Variants in LRP11 observed in about 807,000 individuals in gnomAD.
LRP11 encodes the protein low-density lipoprotein receptor-related protein 11.
A neutral mutation model predicts 43.1 loss-of-function variants in LRP11; 25 were observed. The ratio of observed to expected loss-of-function variants is 0.58; its 90% CI spans 0.42 to 0.81. The LOEUF is 0.81. Among genes scored for constraint, LRP11 ranks in the 30% least tolerant of loss-of-function variants. LRP11 has a pLI of 0.00. For synonymous variants in LRP11, 316 were observed against 299.4 expected (o/e 1.06, Z -0.57); for missense variants, 623 against 665.1 (o/e 0.94, Z 0.70).
At chr6:149,842,709 G>C (rs1217733254) in intron 3 of LRP11, 2 of 1,547,776 alleles carry the variant, frequency 1.3e-6, no homozygotes, top group East Asian at 2.4e-5. Context: ...GAATAGCCAA[G>C]CAATTGTCTT....
rs757716414 is a variant in LRP11, at chr6:149,853,007, A to G, written c.767T>C (p.Met256Thr). 7.5e-6 allele frequency: 12 copies of G among 1,589,734 alleles called. No homozygotes were observed. Among genetic ancestry groups the G allele is most frequent in the Non-Finnish European group, 9.4e-6 (11 of 1,171,096 alleles). ...ALLQGDPSVDMKVPQSGTLKL... is the reference protein window; with the variant it reads ...ALLQGDPSVDTKVPQSGTLKL... ...AGCAGTGACAACATGCGTTACCTTCATGTCCACTGACGGGTCCCCCTGCAG... is the reference window on the plus strand; with the variant it reads ...AGCAGTGACAACATGCGTTACCTTCGTGTCCACTGACGGGTCCCCCTGCAG... The change falls in exon 2 of 7, where the codon ATG becomes ACG. Residue 256 changes from methionine to threonine, a missense_variant. Transcript: ENST00000239367.
intron 3 of LRP11, 77 bp from the exon 4 acceptor site, chr6:149,837,540 G>C: frequency 6.9e-7 from 1 of 1,455,354 alleles, no homozygotes; most frequent in Non-Finnish European, 9.4e-7. Flanking sequence ...AGGGGAGTCC[G>C]TGGGGATGAT....
Position 149,836,071 on chromosome 6 carries a change from C to A in LRP11, c.1252+14G>T. ...AACAAGGTTCTTCATTGAGAACCCACCGTGAATCCTTACCTGGCATCACAG... is the reference window on the plus strand; with the variant it reads ...AACAAGGTTCTTCATTGAGAACCCAACGTGAATCCTTACCTGGCATCACAG... On this transcript the variant is annotated intron_variant, in intron 5 of 6. Transcript: ENST00000239367. 1.9e-6 allele frequency: 3 copies of A among 1,610,918 alleles called. No individual in the cohort carries two copies. The South Asian group carries it at 3.3e-5, about 18-fold the overall frequency.
At position 149,820,405 on chromosome 6, in the gene LRP11, CAATAAAT is replaced by C; in HGVS notation, c.*137_*143del. The C allele has an allele frequency of 2.2e-6, 1 of 461,542 alleles. No individual in the cohort carries two copies. The highest frequency in any genetic ancestry group is 3.8e-6 in the Non-Finnish European group (1 of 261,216). 28.6% of individuals were successfully genotyped at this position (461,542 alleles called of 1,614,324 possible). ...ATGACTTCTAAGGAAACTTTTTTTA[CAATAAAT>C]AATAAAGAAAGATTTGGGATTTGCA... On this transcript the variant is annotated 3_prime_UTR_variant, in exon 7 of 7. Transcript: ENST00000239367.
At chr6:149,855,385 G>A (rs1776783043) in intron 1 of LRP11, among the ~76,000 whole-genome samples, 1 of 152,130 alleles carries the variant, frequency 6.6e-6, no homozygotes, top group South Asian at 2.1e-4. Flanking sequence ...AGATTAGACT[G>A]AATGAAACAC....
At position 149,819,588 on chromosome 6, in the gene LRP11, C is replaced by A. The variant is rs1015183006; in HGVS notation, c.*961G>T. On this transcript the variant is annotated 3_prime_UTR_variant, in exon 7 of 7. Coordinates refer to ENST00000239367, the MANE Select transcript of LRP11 (RefSeq NM_032832.6). ...AACATTTTATAGCATTAAAAAACAT[C>A]GACTCATTCCATTGGATGAAAGCCA... 1 of 152,552 alleles carries A rather than the reference C, an allele frequency of 6.6e-6. No individual in the cohort carries two copies. Among genetic ancestry groups the A allele is most frequent in the Admixed American group, 6.6e-5 (1 of 15,254 alleles). 9.4% of individuals were successfully genotyped at this position (152,552 alleles called of 1,614,324 possible). A position where few individuals can be genotyped will look rare whatever the true frequency, so the allele number is the denominator to read the frequency against.
At position 149,863,925 on chromosome 6, in the gene LRP11, C is replaced by A. The variant is rs1583104625; in HGVS notation, c.96G>T (p.Leu32=). The A allele has an allele frequency of 1.4e-5, 20 of 1,477,062 alleles. No individual in the cohort carries two copies. The highest frequency in any genetic ancestry group is 1.7e-5 in the Non-Finnish European group (19 of 1,121,256). 91.5% of individuals were successfully genotyped at this position (1,477,062 alleles called of 1,614,324 possible). The change falls in exon 1 of 7, where the codon CTG becomes CTT. Residue 32 remains leucine (L), a synonymous_variant. Transcript: ENST00000239367. Reference sequence around the variant, plus strand: ...GCGGCAAGGCCGCACGGCCGCTTGGCAGCCACAGGCAGAGCAGTAGCAGCC... The same window carrying A: ...GCGGCAAGGCCGCACGGCCGCTTGGAAGCCACAGGCAGAGCAGTAGCAGCC... ...LRGLLLLCLW[L]PSGRAALPPA... is the part of the protein sequence containing the mutation.
chr6:149,857,193 T>C (rs1459353144), intron 1 of LRP11, among the ~76,000 whole-genome samples: 5 of 152,176 alleles, frequency 3.3e-5, no homozygotes, highest in Non-Finnish European at 5.9e-5. Flanking sequence ...TTCCTGGGCA[T>C]AGGCCGAACT....
intron 1 of LRP11, among the ~76,000 whole-genome samples, chr6:149,862,603 G>A (rs1475656393): frequency 3.1e-5 from 3 of 95,770 alleles, no homozygotes; most frequent in Non-Finnish European, 6.2e-5. Context: ...TTTTAAGATG[G>A]AGTTTCGCTC....
intron 5 of LRP11, among the ~76,000 whole-genome samples, chr6:149,834,735 C>G (rs1776450311): frequency 6.6e-6 from 1 of 152,086 alleles, no homozygotes; most frequent in African/African-American, 2.4e-5. Context: ...AGGAATGGAC[C>G]AAAAAAGCAG....
chr6:149,858,974 G>A (rs1029275314), intron 1 of LRP11, among the ~76,000 whole-genome samples: 3 of 152,078 alleles, frequency 2.0e-5, no homozygotes, highest in Non-Finnish European at 4.4e-5. Context: ...TACACCATCA[G>A]TGAGCTAGAA....
At chr6:149,826,447 T>A in intron 5 of LRP11, 88 bp from the exon 6 acceptor site, 1 of 857,722 alleles carries the variant, frequency 1.2e-6, no homozygotes, top group South Asian at 1.6e-5. Context: ...TATTTTTTTT[T>A]AAGATGGACT....
intron 6 of LRP11, chr6:149,825,992 G>T (rs1776334060): frequency 2.4e-6 from 1 of 424,314 alleles, no homozygotes; most frequent in Non-Finnish European, 4.3e-6. Context: ...TAAAGCTTGT[G>T]TTCTCCCACC....
chr6:149,837,952 CTG>C (rs1562439955), intron 3 of LRP11, among the ~76,000 whole-genome samples: 2 of 152,196 alleles, frequency 1.3e-5, no homozygotes, highest in Non-Finnish European at 2.9e-5. Flanking sequence ...AGGTCTCACT[CTG>C]TCGCCCAGGC....
intron 3 of LRP11, among the ~76,000 whole-genome samples, chr6:149,839,061 G>GTTTTTTTTTTT (rs869148170): frequency 2.2e-5 from 3 of 136,998 alleles, no homozygotes; most frequent in African/African-American, 2.7e-5. Context: ...GTTTTTTTTT[G>GTTTTTTTTTTT]TTTTTTTTTT....
intron 3 of LRP11, among the ~76,000 whole-genome samples, chr6:149,838,757 G>A (rs1776506320): frequency 6.6e-6 from 1 of 151,642 alleles, no homozygotes; most frequent in South Asian, 2.1e-4. Flanking sequence ...AATTTGCAGT[G>A]CAATTCATAG....
intron 1 of LRP11, among the ~76,000 whole-genome samples, chr6:149,861,592 C>A (rs1044421999): frequency 6.6e-6 from 1 of 152,188 alleles, no homozygotes; most frequent in South Asian, 2.1e-4. Flanking sequence ...GTACTCACTG[C>A]GACCTCCACC....
chr6:149,854,706 C>T (rs983121603), intron 1 of LRP11, among the ~76,000 whole-genome samples: 2 of 152,204 alleles, frequency 1.3e-5, no homozygotes, highest in South Asian at 2.1e-4. Flanking sequence ...AGCTCTGGTT[C>T]GAGTGCTGGC....
chr6:149,850,700 C>T (rs1776705690), intron 2 of LRP11, among the ~76,000 whole-genome samples: 1 of 152,140 alleles, frequency 6.6e-6, no homozygotes. Context: ...GGGTGAAAGT[C>T]AATTACCCCT....
Sources: allele counts gnomAD v4.1 joint callset (sites outside exome capture counted in the v4.1 genomes callset), GRCh38; gene constraint gnomAD v4.1.1; transcripts MANE v1.5; gene names NCBI Gene and HGNC (gene_info 2026-07-23, HGNC 2026-07-21).